Variants in PCDHGB5 observed in about 807,000 individuals in gnomAD.
PCDHGB5 encodes protocadherin gamma-B5.
In PCDHGB5, 48 loss-of-function variants were observed where a neutral mutation model predicts 62.9. The observed-to-expected ratio is 0.76, with a 90% CI of 0.61 to 0.97. The LOEUF (loss-of-function observed/expected upper bound fraction) is 0.97. PCDHGB5 is among the 50% of genes least tolerant of loss of function. The pLI, the probability that PCDHGB5 is intolerant of heterozygous loss-of-function variation, is 0.00. For synonymous variants in PCDHGB5, 474 were observed against 511.2 expected (o/e 0.93, Z 0.98); for missense variants, 1,118 against 1,198.6 (o/e 0.93, Z 0.99).
intron 2 of PCDHGB5, among the ~76,000 whole-genome samples, chr5:141,502,500 G>A (rs1398797155): frequency 6.6e-6 from 1 of 152,046 alleles, no homozygotes; most frequent in Non-Finnish European, 1.5e-5. Context: ...ATCTAACGTC[G>A]GCCTGTCCCA....
In PCDHGB5 at chr5:141,491,771, G is replaced by C. The variant is rs760915700; in HGVS notation, c.2398-3036G>C. ...GGAGAAGCCGCCCGTCCTCATAAGG[G>C]ATTGAACTTGCATCCACTCCTCTCC... On this transcript the variant is annotated intron_variant, in intron 1 of 3. Coordinates refer to ENST00000617380, the MANE Select transcript of PCDHGB5 (RefSeq NM_018925.3). The surrounding 1 kb of genome is among the most constrained non-coding windows in gnomAD (Gnocchi z 6.9). 6.4e-7 allele frequency: 1 copy of C among 1,558,290 alleles called. No individual in the cohort carries two copies. Among genetic ancestry groups the C allele is most frequent in the Non-Finnish European group, 8.7e-7 (1 of 1,153,586 alleles).
chr5:141,511,007 G>A lies in PCDHGB5; in HGVS notation c.2606G>A (p.Arg869His), dbSNP rs780918754. The change falls in exon 4 of 4, where the codon CGC becomes CAC. Residue 869 changes from arginine to histidine, a missense_variant. Physicochemically the swap from Arg to His is conservative, Grantham distance 29 (BLOSUM62 0). Transcript: ENST00000617380. ...GCCGGCACCATGGGATTGAGCGCCC[G>A]CTACGGACCCCAGTTCACCCTGCAG... is the stretch of plus-strand genomic sequence containing the variant. ...GGAGTMGLSA[R>H]YGPQFTLQHV... 1.9e-6 allele frequency: 3 copies of A among 1,614,158 alleles called. No individual in the cohort carries two copies. Among genetic ancestry groups the A allele is most frequent in the East Asian group, 4.5e-5 (2 of 44,890 alleles).
At chr5:141,435,376 A>G (rs1358757887) in intron 1 of PCDHGB5, among the ~76,000 whole-genome samples, 1 of 152,200 alleles carries the variant, frequency 6.6e-6, no homozygotes, top group Non-Finnish European at 1.5e-5. Flanking sequence ...TAAATATACA[A>G]TATACCGTAT....
chr5:141,485,609 G>T lies in PCDHGB5; in HGVS notation c.2398-9198G>T. On this transcript the variant is annotated intron_variant, in intron 1 of 3. Coordinates refer to ENST00000617380, the MANE Select transcript of PCDHGB5 (RefSeq NM_018925.3). The surrounding 1 kb of genome is among the most constrained non-coding windows in gnomAD (Gnocchi z 5.7). ...GCTGGACTTGGAAATTGGGGAGGCA[G>T]CTCCTCCAGGACAGCGTTTCCCGTT... The T allele has an allele frequency of 6.2e-7, 1 of 1,612,256 alleles. No homozygotes were observed. Among genetic ancestry groups the T allele is most frequent in the Non-Finnish European group, 8.5e-7 (1 of 1,178,656 alleles).
intron 1 of PCDHGB5, chr5:141,408,797 C>A (rs965305130): frequency 6.2e-7 from 1 of 1,612,958 alleles, no homozygotes; most frequent in African/African-American, 1.3e-5. Context: ...TCTGGAGAAA[C>A]TCCTAGACCG....
Position 141,507,906 on chromosome 5 carries a change from G to A in PCDHGB5, c.2545+2425G>A, listed in dbSNP as rs2099864753. ...AGAGAGGTTCCTGAAGTCCAGCCCA[G>A]CCAGGCCTGTGGGGCTGCTGAGAGG... On this transcript the variant is annotated intron_variant, in intron 3 of 3. Coordinates refer to ENST00000617380, the MANE Select transcript of PCDHGB5 (RefSeq NM_018925.3). Among the ~76,000 whole-genome samples, 4 of 152,216 alleles carry A rather than the reference G, an allele frequency of 2.6e-5. No homozygotes were observed. The South Asian group carries it at 8.3e-4, about 32-fold the overall frequency.
In PCDHGB5 at chr5:141,399,795, G is replaced by C; in HGVS notation, c.1668G>C (p.Pro556=). The C allele has an allele frequency of 1.2e-6, 2 of 1,613,204 alleles. No homozygotes were observed. The highest frequency in any genetic ancestry group is 1.7e-6 in the Non-Finnish European group (2 of 1,179,744). ...VLVGDRNDNA[P]RVLYPALGPD... The stretch of plus-strand genomic sequence containing the variant: ...TGGGCGACCGAAACGACAACGCACC[G>C]CGGGTGCTGTACCCCGCGCTGGGTC... The change falls in exon 1 of 4, where the codon CCG becomes CCC. Residue 556 remains proline, a synonymous_variant. Coordinates refer to ENST00000617380, the MANE Select transcript of PCDHGB5 (RefSeq NM_018925.3).
chr5:141,458,619 G>T (rs1393941674), intron 1 of PCDHGB5, among the ~76,000 whole-genome samples: 1 of 152,080 alleles, frequency 6.6e-6, no homozygotes, highest in South Asian at 2.1e-4. Context: ...AGCCAGGCTG[G>T]AGTGCAGTGG....
intron 1 of PCDHGB5, chr5:141,441,867 GCCTGGCTA>G (rs2098280856): frequency 1.2e-5 from 4 of 345,682 alleles, no homozygotes; most frequent in Non-Finnish European, 2.3e-5. Flanking sequence ...ACGCCGCGGA[GCCTGGCTA>G]CCTGGTCACC....
intron 1 of PCDHGB5, among the ~76,000 whole-genome samples, chr5:141,459,312 G>A (rs968359414): frequency 6.6e-6 from 1 of 152,084 alleles, no homozygotes; most frequent in African/African-American, 2.4e-5. Flanking sequence ...ATACTATTTT[G>A]TATCCATCTT....
intron 3 of PCDHGB5, 146 bp from the exon 4 acceptor site, chr5:141,510,801 A>G: frequency 6.7e-7 from 1 of 1,489,832 alleles, no homozygotes; most frequent in Non-Finnish European, 9.1e-7. Flanking sequence ...AAGAGAGACT[A>G]CCTTGGTGAC....
chr5:141,411,910 C>T (rs1248743908), intron 1 of PCDHGB5: 2 of 152,164 alleles, frequency 1.3e-5, no homozygotes, highest in East Asian at 1.9e-4. Context: ...TGCCTTTGCA[C>T]TCAGTCTCTG....
chr5:141,419,737 G>C lies in PCDHGB5; in HGVS notation c.2397+19213G>C, dbSNP rs201663350. The C allele has an allele frequency of 1.9e-6, 3 of 1,613,718 alleles. No homozygotes were observed. In the African/African-American group the frequency reaches 4.0e-5, roughly 22 times the overall value. Reference sequence around the variant, plus strand: ...GCCTGGGGCTGCGAACAGGCGAGGTGCGCATGGTGCGTGCTTTGGGTGACA... The same window carrying C: ...GCCTGGGGCTGCGAACAGGCGAGGTCCGCATGGTGCGTGCTTTGGGTGACA... On this transcript the variant is annotated intron_variant, in intron 1 of 3. Transcript: ENST00000617380.
At chr5:141,440,763 T>A (rs2098198978) in intron 1 of PCDHGB5, 1 of 152,138 alleles carries the variant, frequency 6.6e-6, no homozygotes, top group Admixed American at 6.6e-5. Flanking sequence ...AGAGCTCCCA[T>A]CCCTTAGTGC....
intron 1 of PCDHGB5, chr5:141,478,272 A>G: frequency 6.2e-7 from 1 of 1,614,160 alleles, no homozygotes; most frequent in Non-Finnish European, 8.5e-7. Context: ...AAAGTTTACA[A>G]GTGGAAGCAG....
intron 2 of PCDHGB5, among the ~76,000 whole-genome samples, chr5:141,502,056 C>T (rs1163976282): frequency 1.3e-5 from 2 of 152,116 alleles, no homozygotes; most frequent in Non-Finnish European, 2.9e-5. Flanking sequence ...CTACTTTATT[C>T]CCATTAGCCC....
intron 1 of PCDHGB5, 106 bp from the exon 2 acceptor site, chr5:141,494,701 C>T: frequency 6.3e-7 from 1 of 1,594,596 alleles, no homozygotes; most frequent in Admixed American, 1.7e-5. Flanking sequence ...CCGTTTTCTT[C>T]TCTGTGCCCA....
intron 1 of PCDHGB5, among the ~76,000 whole-genome samples, chr5:141,464,715 T>C (rs1013508667): frequency 2.0e-5 from 3 of 152,090 alleles, no homozygotes; most frequent in Admixed American, 2.0e-4. Flanking sequence ...AAATAGTTTT[T>C]CATATGTTTA....
At chr5:141,427,386 A>G (rs2097020887) in intron 1 of PCDHGB5, 1 of 459,098 alleles carries the variant, frequency 2.2e-6, no homozygotes, top group Non-Finnish European at 4.4e-6. Context: ...CACTCTGTTC[A>G]AAACACATGA....
Sources: gnomAD v4.1 joint callset for allele counts (sites outside exome capture counted in the v4.1 genomes callset) on GRCh38, gnomAD v4.1.1 for gene constraint, Gnocchi (gnomAD v3.1) non-coding constraint, MANE v1.5 for transcripts, NCBI Gene and HGNC (gene_info 2026-07-23, HGNC 2026-07-21) for gene names.